The following C1orf87 variants were observed in gnomAD, a reference collection of about 807,000 sequenced individuals.
C1orf87 encodes the protein chromosome 1 open reading frame 87, also known as uncharacterized protein C1orf87.
In C1orf87, 58 loss-of-function variants were observed where a neutral mutation model predicts 60.5. The ratio of observed to expected loss-of-function variants is 0.96; its 90% confidence interval spans 0.78 to 1.19. The LOEUF is 1.19. C1orf87 is among the 50% of genes most tolerant of loss of function. The pLI, the probability that C1orf87 is intolerant of heterozygous loss-of-function variation, is 0.00. For missense variants in C1orf87, 673 were observed against 638.6 expected, an observed-to-expected ratio of 1.05 and a Z score of -0.58; for synonymous variants, 236 against 227.4, an observed-to-expected ratio of 1.04 and a Z score of -0.34.
rs12403818 is a variant in C1orf87, at chr1:59,994,765, C to G, written c.1480+2844G>C. 8.3e-3 allele frequency among the ~76,000 whole-genome samples: 1,269 copies of G among 152,256 alleles called. 53 individuals carry two copies. The highest frequency in any genetic ancestry group is 0.076 in the Admixed American group (1,161 of 15,290). Reference sequence around the variant, plus strand: ...GAAGCACTGATGTGATGATGGATGGCCTGTCCTCATCCTGGATGGAGAACA... The same window carrying G: ...GAAGCACTGATGTGATGATGGATGGGCTGTCCTCATCCTGGATGGAGAACA... On this transcript the variant is annotated intron_variant, in intron 11 of 11. Transcript: ENST00000371201.
At chr1:60,040,576 G>A (rs1258805496) in intron 4 of C1orf87, among the ~76,000 whole-genome samples, 1 of 152,136 alleles carries the variant, frequency 6.6e-6, no homozygotes, top group Non-Finnish European at 1.5e-5. Flanking sequence ...TGAGTTAACT[G>A]GGAGCATAAT....
intron 2 of C1orf87, among the ~76,000 whole-genome samples, chr1:60,064,685 T>A (rs1645525103): frequency 9.5e-6 from 1 of 105,488 alleles, no homozygotes; most frequent in African/African-American, 3.8e-5. Flanking sequence ...AAATATATAT[T>A]TATATATAAA....
intron 7 of C1orf87, among the ~76,000 whole-genome samples, chr1:60,030,206 A>C (rs1036886005): frequency 6.6e-6 from 1 of 152,222 alleles, no homozygotes; most frequent in Admixed American, 6.5e-5. Context: ...TTGAGTGATT[A>C]TTATGTCAAA....
intron 5 of C1orf87, among the ~76,000 whole-genome samples, chr1:60,039,041 A>G (rs951225747): frequency 2.0e-5 from 3 of 152,188 alleles, no homozygotes; most frequent in African/African-American, 7.2e-5. Context: ...AACTAATTCT[A>G]TTAGTTTGCA....
At chr1:60,055,472 C>T in intron 2 of C1orf87, 34 bp from the exon 3 acceptor site, 1 of 1,574,696 alleles carries the variant, frequency 6.4e-7, no homozygotes, top group Non-Finnish European at 8.7e-7. Context: ...TTGTTACTTA[C>T]AGGCAGACTC....
chr1:60,033,775 C>T, intron 6 of C1orf87, 134 bp from the exon 7 acceptor site: 1 of 925,426 alleles, frequency 1.1e-6, no homozygotes, highest in Non-Finnish European at 1.6e-6. Flanking sequence ...CCCTCTCAGT[C>T]TTGGGAACCT....
At chr1:60,034,805 G>A (rs1365639742) in intron 6 of C1orf87, among the ~76,000 whole-genome samples, 1 of 152,018 alleles carries the variant, frequency 6.6e-6, no homozygotes, top group Non-Finnish European at 1.5e-5. Context: ...TTCCTCCCTG[G>A]TAGTCTGCTC....
intron 7 of C1orf87, among the ~76,000 whole-genome samples, chr1:60,030,998 T>C (rs1048898570): frequency 6.6e-6 from 1 of 152,230 alleles, no homozygotes; most frequent in African/African-American, 2.4e-5. Flanking sequence ...TCTGAAATGG[T>C]GGCAGTCTGG....
At chr1:60,035,314 C>T (rs543198637) in intron 6 of C1orf87, among the ~76,000 whole-genome samples, 28 of 152,266 alleles carry the variant, frequency 1.8e-4, no homozygotes, top group Middle Eastern at 3.4e-3. Context: ...TCCCTGGCTC[C>T]GTACACTGAG....
intron 6 of C1orf87, among the ~76,000 whole-genome samples, chr1:60,035,025 T>G (rs1315302185): frequency 6.6e-6 from 1 of 152,146 alleles, no homozygotes; most frequent in African/African-American, 2.4e-5. Context: ...AAAAGTTTGG[T>G]ACAGAGAAGG....
At chr1:60,038,915 A>G (rs1273109983) in intron 5 of C1orf87, among the ~76,000 whole-genome samples, 1 of 152,200 alleles carries the variant, frequency 6.6e-6, no homozygotes, top group African/African-American at 2.4e-5. Context: ...GGGAAGCTAG[A>G]TAGGGCCCCT....
intron 3 of C1orf87, among the ~76,000 whole-genome samples, chr1:60,052,217 G>C (rs1339927482): frequency 6.6e-6 from 1 of 152,164 alleles, no homozygotes; most frequent in African/African-American, 2.4e-5. Flanking sequence ...GATGCAAAAA[G>C]CACACTACAA....
intron 2 of C1orf87, among the ~76,000 whole-genome samples, chr1:60,067,028 A>G (rs1277457155): frequency 6.6e-6 from 1 of 152,198 alleles, no homozygotes; most frequent in Non-Finnish European, 1.5e-5. Flanking sequence ...TAATGACTGC[A>G]TAATATTTCA....
At chr1:60,027,487 C>T (rs72641118) in intron 7 of C1orf87, among the ~76,000 whole-genome samples, 3,844 of 152,278 alleles carry the variant, frequency 0.025, 181 homozygotes, top group South Asian at 0.17. Flanking sequence ...CATGGTGTGG[C>T]GTGCCTGCTC....
chr1:60,002,425 GTCT>G (rs1429960066), intron 9 of C1orf87, among the ~76,000 whole-genome samples: 1 of 152,068 alleles, frequency 6.6e-6, no homozygotes, highest in Non-Finnish European at 1.5e-5. Flanking sequence ...CTGCATAAAT[GTCT>G]TCTTTTGAGA....
At chr1:59,998,938 A>G (rs770693614) in intron 10 of C1orf87, among the ~76,000 whole-genome samples, 5 of 152,158 alleles carry the variant, frequency 3.3e-5, no homozygotes, top group Non-Finnish European at 5.9e-5. Context: ...CTTCCAATAA[A>G]TTAAGCTAGT....
chr1:60,022,097 T>G (rs78435873), intron 8 of C1orf87, among the ~76,000 whole-genome samples: 1 of 141,702 alleles, frequency 7.1e-6, no homozygotes, highest in Non-Finnish European at 1.5e-5. Flanking sequence ...GCAACTCTTA[T>G]AGAGGACTTT....
At chr1:60,045,341 C>A (rs936166523) in intron 3 of C1orf87, among the ~76,000 whole-genome samples, 7 of 151,498 alleles carry the variant, frequency 4.6e-5, no homozygotes, top group African/African-American at 1.7e-4. Context: ...AAATGTATTT[C>A]CAAATTAATA....
intron 2 of C1orf87, among the ~76,000 whole-genome samples, chr1:60,065,389 G>A (rs1327834839): frequency 6.6e-6 from 1 of 151,834 alleles, no homozygotes; most frequent in Non-Finnish European, 1.5e-5. Context: ...AGCTAACCTG[G>A]GATAATTCTC....
Sources: gnomAD v4.1 joint callset for allele counts (sites outside exome capture counted in the v4.1 genomes callset) on GRCh38, gnomAD v4.1.1 for gene constraint, MANE v1.5 for transcripts, NCBI Gene and HGNC (gene_info 2026-07-23, HGNC 2026-07-21) for gene names.